TMEM114: variants seen among roughly 807,000 people sequenced by gnomAD.
TMEM114 encodes the protein claudin-26.
In TMEM114, 6 loss-of-function variants were observed where a neutral mutation model predicts 6.2. The observed-to-expected ratio is 0.97, with a 90% CI of 0.53 to 1.91. The LOEUF is 1.91. Among genes scored for constraint, TMEM114 ranks in the 40% most tolerant of loss-of-function variants. TMEM114 has a pLI of 0.01. For missense variants in TMEM114, 218 were observed against 158.3 expected (o/e 1.38, Z -2.02); for synonymous variants, 104 against 73.0 (o/e 1.42, Z -2.16).
chr16:8,570,985 G>C (rs1050283782), intron 3 of TMEM114, among the ~76,000 whole-genome samples: 1 of 152,194 alleles, frequency 6.6e-6, no homozygotes, highest in Non-Finnish European at 1.5e-5. Context: ...GTCACTGGGT[G>C]AACTATTAAT....
intron 2 of TMEM114, among the ~76,000 whole-genome samples, chr16:8,574,474 A>G (rs1441440507): frequency 6.6e-6 from 1 of 152,198 alleles, no homozygotes; most frequent in Admixed American, 6.5e-5. Flanking sequence ...GTGAGTCAAG[A>G]AAACAAGACT....
intron 2 of TMEM114, among the ~76,000 whole-genome samples, chr16:8,555,666 C>G (rs1332555027): frequency 1.3e-5 from 2 of 152,162 alleles, no homozygotes; most frequent in Non-Finnish European, 2.9e-5. Context: ...TCGATGACTC[C>G]CCATGCATCT....
intron 2 of TMEM114, among the ~76,000 whole-genome samples, chr16:8,547,497 A>G (rs577449563): frequency 6.7e-6 from 1 of 149,698 alleles, no homozygotes; most frequent in African/African-American, 2.5e-5. Context: ...GGTTCAAGCT[A>G]TTCTCTTGCC....
the TMEM114 span, chr16:8,526,813 T>G: frequency 6.6e-6 from 1 of 152,226 alleles, no homozygotes; most frequent in Non-Finnish European, 1.5e-5. Context: ...ACCCATCCCC[T>G]GGTCTACAAG....
At chr16:8,572,789 T>A (rs140788951) in intron 2 of TMEM114, among the ~76,000 whole-genome samples, 25 of 152,314 alleles carry the variant, frequency 1.6e-4, no homozygotes, top group African/African-American at 6.0e-4. Flanking sequence ...ACACGCATCA[T>A]TAATTATTCA....
chr16:8,561,595 C>T (rs527310819), intron 2 of TMEM114, among the ~76,000 whole-genome samples: 26 of 152,116 alleles, frequency 1.7e-4, no homozygotes, highest in African/African-American at 2.9e-4. Flanking sequence ...ATGAATGAGT[C>T]GATGAGCATA....
At chr16:8,564,329 GA>G (rs1901438568) in intron 2 of TMEM114, among the ~76,000 whole-genome samples, 2 of 138,534 alleles carry the variant, frequency 1.4e-5, no homozygotes, top group Non-Finnish European at 3.2e-5. Flanking sequence ...GAGTGAGTTA[GA>G]GAATGAGTCA....
At chr16:8,589,062 C>A (rs1433776193) in intron 2 of TMEM114, among the ~76,000 whole-genome samples, 151 bp downstream of exon 2, 24 of 152,340 alleles carry the variant, frequency 1.6e-4, no homozygotes, top group African/African-American at 5.5e-4. Context: ...GCCCCCCGGT[C>A]TTAAGCCCAC....
chr16:8,549,138 T>C (rs9932781), intron 2 of TMEM114, among the ~76,000 whole-genome samples: 62,544 of 142,028 alleles, frequency 0.44, 14,159 homozygotes, highest in African/African-American at 0.58. Flanking sequence ...GCCGAGATCG[T>C]ACCACTGCAC....
chr16:8,564,195 GAGTGAGTGGGTGAATGAGTGAGTT>G (rs1901422820), intron 2 of TMEM114, among the ~76,000 whole-genome samples: 1 of 150,238 alleles, frequency 6.7e-6, no homozygotes, highest in Non-Finnish European at 1.5e-5. Flanking sequence ...GTGCATGAAT[GAGTGAGTGGGTGAATGAGTGAGTT>G]AGTGAATGAG....
At chr16:8,544,521 T>C (rs1258625812) in intron 2 of TMEM114, among the ~76,000 whole-genome samples, 1 of 152,240 alleles carries the variant, frequency 6.6e-6, no homozygotes, top group Non-Finnish European at 1.5e-5. Context: ...TTGATATTGC[T>C]ACAGGATACA....
At chr16:8,545,004 A>C (rs1021168870) in intron 2 of TMEM114, among the ~76,000 whole-genome samples, 1 of 151,942 alleles carries the variant, frequency 6.6e-6, no homozygotes, top group African/African-American at 2.4e-5. Flanking sequence ...TGCAGTTTCC[A>C]CAGTGCATGT....
At chr16:8,528,227 A>C in the TMEM114 span, among the ~76,000 whole-genome samples, 1 of 144,256 alleles carries the variant, frequency 6.9e-6, no homozygotes, top group Non-Finnish European at 1.5e-5. Context: ...TCTGATATGA[A>C]TTTGTTCACC....
intron 2 of TMEM114, among the ~76,000 whole-genome samples, chr16:8,584,288 C>A (rs1335498340): frequency 6.6e-6 from 1 of 152,134 alleles, no homozygotes; most frequent in Non-Finnish European, 1.5e-5. Flanking sequence ...CCAAAAAGTT[C>A]CTGGCTGATA....
intron 2 of TMEM114, among the ~76,000 whole-genome samples, chr16:8,541,118 T>C (rs1900504998): frequency 2.0e-5 from 3 of 152,128 alleles, no homozygotes; most frequent in African/African-American, 4.8e-5. Flanking sequence ...AGCAATCATA[T>C]ATTGAACTCT....
chr16:8,585,130 A>G (rs1902280678), intron 2 of TMEM114, among the ~76,000 whole-genome samples: 1 of 151,918 alleles, frequency 6.6e-6, no homozygotes, highest in South Asian at 2.1e-4. Flanking sequence ...GTGCAGGGGA[A>G]CCCCCTTTAT....
chr16:8,529,240 G>T, the TMEM114 span, among the ~76,000 whole-genome samples: 92 of 152,310 alleles, frequency 6.0e-4, no homozygotes, highest in African/African-American at 2.2e-3. Flanking sequence ...TTCCACTCAA[G>T]GCTAGGATTA....
chr16:8,551,488 T>C (rs1224946395), intron 2 of TMEM114, among the ~76,000 whole-genome samples: 2 of 152,190 alleles, frequency 1.3e-5, no homozygotes, highest in Non-Finnish European at 1.5e-5. Context: ...TAGGTGAGCA[T>C]TGCATAAGAA....
chr16:8,589,843 G>A lies in TMEM114; in HGVS notation c.-5C>T. The A allele has an allele frequency of 1.5e-5, 6 of 397,670 alleles. No individual in the cohort carries two copies. Among genetic ancestry groups the A allele is most frequent in the Non-Finnish European group, 2.2e-5 (5 of 225,502 alleles). The allele number at this position is 397,670 out of a possible 1,614,324, so 24.6% of individuals were successfully genotyped here. A position where few individuals can be genotyped will look rare whatever the true frequency, so the allele number is the denominator to read the frequency against. The stretch of plus-strand genomic sequence containing the variant: ...CCCGCCCAGGTGCACCCGCATCGCC[G>A]AGCCCAGGACCAGCAGCCGCGGGTT... On this transcript the variant is annotated 5_prime_UTR_variant, in exon 1 of 4. Coordinates refer to ENST00000620492, the MANE Select transcript of TMEM114 (RefSeq NM_001146336.2).
Sources: allele counts gnomAD v4.1 joint callset (sites outside exome capture counted in the v4.1 genomes callset), GRCh38; gene constraint gnomAD v4.1.1; transcripts MANE v1.5; gene names NCBI Gene and HGNC (gene_info 2026-07-23, HGNC 2026-07-21).